Variants in TMEM132C observed in about 807,000 individuals in gnomAD.
TMEM132C encodes the protein protein phosphatase 1, regulatory subunit 152.
TMEM132C carries 29 observed loss-of-function variants against 61.4 expected under a neutral mutation model. That is an observed-to-expected ratio of 0.47 (90% CI 0.35 to 0.64). TMEM132C has a LOEUF of 0.64. Among genes scored for constraint, TMEM132C ranks in the 30% least tolerant of loss-of-function variants. The pLI, the probability that TMEM132C is intolerant of heterozygous loss-of-function variation, is 0.00. For synonymous variants in TMEM132C, 656 were observed against 633.1 expected (o/e 1.04, Z -0.54); for missense variants, 1,408 against 1,476.9 (o/e 0.95, Z 0.76).
intron 8 of TMEM132C, among the ~76,000 whole-genome samples, chr12:128,700,322 T>C (rs1954795045): frequency 6.6e-6 from 1 of 152,236 alleles, no homozygotes; most frequent in African/African-American, 2.4e-5. Context: ...GGAAATGCGC[T>C]GGCTTCTCCT....
chr12:128,482,105 G>C (rs1177446114), intron 2 of TMEM132C, among the ~76,000 whole-genome samples: 2 of 152,144 alleles, frequency 1.3e-5, no homozygotes, highest in African/African-American at 2.4e-5. Flanking sequence ...TAGCATGAAG[G>C]GGTGTTGAAT....
chr12:128,541,570 G>T (rs1341725261), intron 2 of TMEM132C, among the ~76,000 whole-genome samples: 1 of 152,160 alleles, frequency 6.6e-6, no homozygotes, highest in Non-Finnish European at 1.5e-5. Context: ...GGAGCTGTAT[G>T]CCAGGAAACA....
intron 1 of TMEM132C, among the ~76,000 whole-genome samples, chr12:128,301,700 A>T (rs1266963582): frequency 6.6e-6 from 1 of 152,220 alleles, no homozygotes; most frequent in Non-Finnish European, 1.5e-5. Flanking sequence ...TGGCAAACAG[A>T]TGCAGAATGG....
chr12:128,436,207 C>T (rs1270222332), intron 2 of TMEM132C, among the ~76,000 whole-genome samples: 2 of 152,064 alleles, frequency 1.3e-5, no homozygotes, highest in Non-Finnish European at 2.9e-5. Flanking sequence ...TAGAAGAAAA[C>T]CTAGGCAATA....
intron 3 of TMEM132C, among the ~76,000 whole-genome samples, chr12:128,590,306 G>A (rs561141059): frequency 1.1e-4 from 16 of 152,318 alleles, no homozygotes; most frequent in East Asian, 1.9e-4. Context: ...CACAGCAGAC[G>A]GCAGAGCTTA....
At position 128,695,943 on chromosome 12, in the gene TMEM132C, C is replaced by A. The variant is rs1310519800; in HGVS notation, c.1769C>A (p.Ala590Asp). The change falls in exon 7 of 9, where the codon GCC becomes GAC. Residue 590 changes from alanine to aspartate, a missense_variant. Transcript: ENST00000435159. The stretch of plus-strand genomic sequence containing the variant: ...CTCACCCAGTTTGTGTCTGAGGGCG[C>A]CGGTCCATGGGGCCAGCCGAACTAC... ...RVLTQFVSEG[A>D]GPWGQPNYLL... 3 of 1,551,792 alleles carry A rather than the reference C, an allele frequency of 1.9e-6. No homozygotes were observed. Among genetic ancestry groups the A allele is most frequent in the Non-Finnish European group, 2.6e-6 (3 of 1,147,022 alleles).
rs1954056753 is a variant in TMEM132C, at chr12:128,630,466, T to C, written c.1305+14131T>C. 6.6e-6 allele frequency among the ~76,000 whole-genome samples: 1 copy of C among 152,178 alleles called. No homozygotes were observed. The highest frequency in any genetic ancestry group is 6.5e-5 in the Admixed American group (1 of 15,278). On this transcript the variant is annotated intron_variant, in intron 4 of 8. Coordinates refer to ENST00000435159, the MANE Select transcript of TMEM132C (RefSeq NM_001136103.3). This position sits in a 1 kb window ranked among gnomAD's most constrained non-coding sequence, Gnocchi z 4.3. Reference sequence around the variant, plus strand: ...TCCCAGGCTTCATCCAGGCATCTACTCAAATATCCCCTCCTCACTAGGCCC... The same window carrying C: ...TCCCAGGCTTCATCCAGGCATCTACCCAAATATCCCCTCCTCACTAGGCCC...
intron 2 of TMEM132C, among the ~76,000 whole-genome samples, chr12:128,427,422 G>A (rs574622944): frequency 0.29 from 42,237 of 143,808 alleles, 6,451 homozygotes; most frequent in Non-Finnish European, 0.32. Flanking sequence ...GTGTGTGTGT[G>A]TGTGTGTATA....
chr12:128,281,298 C>G (rs1204313676), intron 1 of TMEM132C, among the ~76,000 whole-genome samples: 2 of 152,138 alleles, frequency 1.3e-5, no homozygotes, highest in South Asian at 4.1e-4. Flanking sequence ...AAGATGAGAT[C>G]TAAAACAGGT....
chr12:128,312,766 T>C (rs534147249), intron 1 of TMEM132C, among the ~76,000 whole-genome samples: 8 of 152,286 alleles, frequency 5.3e-5, no homozygotes, highest in Admixed American at 3.3e-4. Context: ...TGTGAGAGGA[T>C]AAAGTTCTCT....
At chr12:128,336,560 A>G (rs947938195) in intron 1 of TMEM132C, among the ~76,000 whole-genome samples, 1 of 152,208 alleles carries the variant, frequency 6.6e-6, no homozygotes, top group African/African-American at 2.4e-5. Context: ...TCAAATATGT[A>G]TCATTTTTTT....
chr12:128,441,092 T>C (rs1022923977), intron 2 of TMEM132C, among the ~76,000 whole-genome samples: 4 of 152,178 alleles, frequency 2.6e-5, no homozygotes, highest in Non-Finnish European at 5.9e-5. Context: ...AAGAACAATG[T>C]CTACCCTAGT....
At chr12:128,425,652 C>T (rs144950306) in intron 2 of TMEM132C, among the ~76,000 whole-genome samples, 42 of 152,324 alleles carry the variant, frequency 2.8e-4, no homozygotes, top group African/African-American at 9.6e-4. Flanking sequence ...AGGGTGCCAG[C>T]AAGGCCATGC....
chr12:128,294,528 C>G (rs1709698), intron 1 of TMEM132C, among the ~76,000 whole-genome samples: 34,726 of 152,094 alleles, frequency 0.23, 4,463 homozygotes, highest in East Asian at 0.5. Context: ...TGGCACCTGT[C>G]TTAGTCTGTT....
At chr12:128,425,608 C>G (rs911822964) in intron 2 of TMEM132C, among the ~76,000 whole-genome samples, 1 of 152,220 alleles carries the variant, frequency 6.6e-6, no homozygotes, top group African/African-American at 2.4e-5. Flanking sequence ...GAACTTTGTT[C>G]TCTCACGTTT....
intron 4 of TMEM132C, among the ~76,000 whole-genome samples, chr12:128,631,443 T>C (rs78538811): frequency 0.034 from 5,194 of 152,286 alleles, 309 homozygotes; most frequent in African/African-American, 0.12. Flanking sequence ...CTCATCATTC[T>C]TCATCTCTTC....
chr12:128,670,155 C>A (rs1954517472), intron 5 of TMEM132C, among the ~76,000 whole-genome samples: 1 of 152,070 alleles, frequency 6.6e-6, no homozygotes, highest in South Asian at 2.1e-4. Context: ...ACTAAAAATA[C>A]AAAAATTAGC....
chr12:128,283,064 C>T (rs545001940), intron 1 of TMEM132C, among the ~76,000 whole-genome samples: 3 of 152,182 alleles, frequency 2.0e-5, no homozygotes, highest in Admixed American at 1.3e-4. Context: ...TCAGAGTCTA[C>T]GTGATGATCC....
chr12:128,526,734 A>G (rs1873098866), intron 2 of TMEM132C, among the ~76,000 whole-genome samples: 1 of 152,232 alleles, frequency 6.6e-6, no homozygotes, highest in Middle Eastern at 3.4e-3. Flanking sequence ...TTGAGTGGAG[A>G]AGGAGAAGAG....
Sources: gnomAD v4.1 joint callset for allele counts (sites outside exome capture counted in the v4.1 genomes callset) on GRCh38, gnomAD v4.1.1 for gene constraint, Gnocchi (gnomAD v3.1) non-coding constraint, MANE v1.5 for transcripts, NCBI Gene and HGNC (gene_info 2026-07-23, HGNC 2026-07-21) for gene names.